The following TOMM70 variants were observed in gnomAD, a reference collection of about 807,000 sequenced individuals.
TOMM70 encodes the protein mitochondrial import receptor subunit TOM70.
A neutral mutation model predicts 73.6 loss-of-function variants in TOMM70; 13 were observed. The observed-to-expected ratio is 0.18, with a 90% CI of 0.11 to 0.28. The LOEUF (loss-of-function observed/expected upper bound fraction) is 0.28, where lower values mean the gene tolerates loss of function less well. Among genes scored for constraint, TOMM70 ranks in the 10% least tolerant of loss-of-function variants. The probability of loss-of-function intolerance (pLI) is 1.00; values close to 1 mark genes in which losing one functional copy is unlikely to be tolerated. For missense variants in TOMM70, 609 were observed against 747.5 expected (o/e 0.81, Z 2.16); for synonymous variants, 257 against 271.2 (o/e 0.95, Z 0.51).
rs1464671748 is a variant in TOMM70 at position 100,386,271 on chromosome 3, A to T, written c.572T>A (p.Phe191Tyr). 9.9e-6 allele frequency: 16 copies of T among 1,613,424 alleles called. No individual in the cohort carries two copies. The highest frequency in any genetic ancestry group is 1.4e-5 in the Non-Finnish European group (16 of 1,179,608). The change falls in exon 3 of 12, where the codon TTT becomes TAT. Residue 191 changes from phenylalanine (F) to tyrosine (Y), a missense_variant. Physicochemically the swap from Phe to Tyr is conservative, Grantham distance 22 (BLOSUM62 3). This residue lies in a region of TOMM70 where 432 missense variants were observed against 584.1 expected (regional missense o/e 0.74). Coordinates refer to ENST00000284320, the MANE Select transcript of TOMM70 (RefSeq NM_014820.5). ...CTTCTCATGGGCTTTTGCACGTCTA[A>T]AGAGAGCTTTCACATATTTGGGATT... ...ELNPKYVKAL[F>Y]RRAKAHEKLD...
intron 11 of TOMM70, 86 bp from the exon 12 acceptor site, chr3:100,365,803 T>G: frequency 6.8e-7 from 1 of 1,470,348 alleles, no homozygotes; most frequent in South Asian, 1.2e-5. Flanking sequence ...ACATGAAGTC[T>G]GACCACTAAG....
At position 100,373,579 on chromosome 3, in the gene TOMM70, G is replaced by A. The variant is rs1459388987; in HGVS notation, c.1294C>T (p.Pro432Ser). 6.2e-7 allele frequency: 1 copy of A among 1,612,702 alleles called. No homozygotes were observed. The highest frequency in any genetic ancestry group is 8.5e-7 in the Non-Finnish European group (1 of 1,179,326). Residue 432 changes from proline to serine, a missense_variant, in exon 8 of 12, where the codon CCT (proline) becomes TCT (serine). Physicochemically the swap from Pro to Ser is moderately conservative, Grantham distance 74 (BLOSUM62 -1). Transcript: ENST00000284320. ...TGTGCTTGTGCCAGAGCAGACTCAG[G>A]TCTTAACCTAATACATTCATCAAAA... is the stretch of plus-strand genomic sequence containing the variant. ...ADFDECIRLR[P>S]ESALAQAQKC...
chr3:100,381,650 T>C lies in TOMM70; in HGVS notation c.849A>G (p.Lys283=). 6.2e-7 allele frequency: 1 copy of C among 1,613,414 alleles called. No individual in the cohort carries two copies. Among genetic ancestry groups the C allele is most frequent in the Non-Finnish European group, 8.5e-7 (1 of 1,179,602 alleles). The change falls in exon 5 of 12, where the codon AAA becomes AAG. Residue 283 remains lysine (K), a synonymous_variant. Coordinates refer to ENST00000284320, the MANE Select transcript of TOMM70 (RefSeq NM_014820.5). Reference sequence around the variant, plus strand: ...CTTCTAAAGCCTCCCCTTCCTTGTCTTTATCTTCATCAGATTTCTCTCCTT... The same window carrying C: ...CTTCTAAAGCCTCCCCTTCCTTGTCCTTATCTTCATCAGATTTCTCTCCTT... The part of the protein sequence containing the change: ...MLKGEKSDED[K]DKEGEALEVK...
At position 100,398,993 on chromosome 3, in the gene TOMM70, T is replaced by A. The variant is rs540735556; in HGVS notation, c.324+1633A>T. ...AGCTAATTTGACATCCTAGTAAAAATATCTTCGCCCGGGCGCGGTGGCTCA... is the reference window on the plus strand; with the variant it reads ...AGCTAATTTGACATCCTAGTAAAAAAATCTTCGCCCGGGCGCGGTGGCTCA... On this transcript the variant is annotated intron_variant, in intron 1 of 11. Transcript: ENST00000284320. Among the ~76,000 whole-genome samples, 10 of 152,176 alleles carry A rather than the reference T, an allele frequency of 6.6e-5. No individual in the cohort carries two copies. In the East Asian group the frequency reaches 1.9e-3, roughly 29 times the overall value.
intron 10 of TOMM70, among the ~76,000 whole-genome samples, chr3:100,368,722 G>A (rs1365256760): frequency 6.6e-6 from 1 of 152,100 alleles, no homozygotes; most frequent in African/African-American, 2.4e-5. Context: ...AATCGGGCAT[G>A]TGCCACCACA....
rs1706441740 is a variant in TOMM70, at chr3:100,365,694, T to C, written c.1697A>G (p.Asp566Gly). ...CAGGTTAATAGCTTTGTTGAACATG[T>C]CAATGGCTTTCTCCATGTTTCCTCT... ...VQRGNMEKAI[D>G]MFNKAINLAK... The change falls in exon 12 of 12, where the codon GAC (aspartate) becomes GGC (glycine). Residue 566 changes from aspartate to glycine, a missense_variant. Transcript: ENST00000284320. 1 of 1,614,188 alleles carries C rather than the reference T, an allele frequency of 6.2e-7. No homozygotes were observed. The highest frequency in any genetic ancestry group is 8.5e-7 in the Non-Finnish European group (1 of 1,180,016).
At chr3:100,368,398 T>G (rs1435466422) in intron 10 of TOMM70, among the ~76,000 whole-genome samples, 1 of 152,304 alleles carries the variant, frequency 6.6e-6, no homozygotes, top group East Asian at 1.9e-4. Flanking sequence ...ATTACCAATC[T>G]TGCATCCCTT....
In TOMM70 at chr3:100,365,559, CT is replaced by C. The variant is rs759934946; in HGVS notation, c.*4del. ...AAAAGAGGGTCAGTCTGCTTTCCCC[CT>C]GTTTTATAATGTTGGTGGTTTTAAT... On this transcript the variant is annotated 3_prime_UTR_variant, in exon 12 of 12. Coordinates refer to ENST00000284320, the MANE Select transcript of TOMM70 (RefSeq NM_014820.5). 1.2e-5 allele frequency: 19 copies of C among 1,613,606 alleles called. No homozygotes were observed. Among genetic ancestry groups the C allele is most frequent in the Non-Finnish European group, 1.6e-5 (19 of 1,179,780 alleles).
At position 100,381,649 on chromosome 3, in the gene TOMM70, C is replaced by A. The variant is rs752031518; in HGVS notation, c.850G>T (p.Asp284Tyr). The A allele has an allele frequency of 1.2e-6, 2 of 1,613,260 alleles. No individual in the cohort carries two copies. The highest frequency in any genetic ancestry group is 8.5e-7 in the Non-Finnish European group (1 of 1,179,548). ...ACTTCTAAAGCCTCCCCTTCCTTGT[C>A]TTTATCTTCATCAGATTTCTCTCCT... ...LKGEKSDEDK[D>Y]KEGEALEVKE... is the part of the protein sequence containing the mutation. The change falls in exon 5 of 12, where the codon GAC becomes TAC. Residue 284 changes from aspartate to tyrosine, a missense_variant. By Grantham distance (160) the Asp-to-Tyr change is radical (BLOSUM62 -3). This residue lies in a region of TOMM70 where 432 missense variants were observed against 584.1 expected (regional missense o/e 0.74). Transcript: ENST00000284320.
chr3:100,368,417 C>T (rs1706470757), intron 10 of TOMM70, among the ~76,000 whole-genome samples: 1 of 152,084 alleles, frequency 6.6e-6, no homozygotes, highest in Non-Finnish European at 1.5e-5. Flanking sequence ...TTATTTTTCA[C>T]TTTATATAAA....
chr3:100,379,006 CAAATAAAT>C (rs145132790), intron 5 of TOMM70, among the ~76,000 whole-genome samples: 3,029 of 148,846 alleles, frequency 0.02, 104 homozygotes, highest in African/African-American at 0.07. Context: ...GACTCCGTCT[CAAATAAAT>C]AAATAAATAA....
At chr3:100,382,594 C>T (rs1477722190) in intron 4 of TOMM70, among the ~76,000 whole-genome samples, 2 of 152,086 alleles carry the variant, frequency 1.3e-5, no homozygotes, top group African/African-American at 2.4e-5. Flanking sequence ...TTACTAAAGA[C>T]ACTGAGAATA....
At chr3:100,380,880 T>G (rs1706626018) in intron 5 of TOMM70, among the ~76,000 whole-genome samples, 1 of 152,104 alleles carries the variant, frequency 6.6e-6, no homozygotes, top group Admixed American at 6.6e-5. Flanking sequence ...CTTCAAACCC[T>G]CCAATATGCT....
At chr3:100,368,957 T>TCCTCA in intron 10 of TOMM70, 81 bp downstream of exon 10, 1 of 987,780 alleles carries the variant, frequency 1.0e-6, no homozygotes, top group South Asian at 1.4e-5. Flanking sequence ...ACAGTCCCCT[T>TCCTCA]CCTCAGTGGC....
At chr3:100,375,858 C>A (rs971184269) in intron 6 of TOMM70, among the ~76,000 whole-genome samples, 2 of 152,018 alleles carry the variant, frequency 1.3e-5, no homozygotes, top group African/African-American at 2.4e-5. Context: ...TTTGTGTTAA[C>A]GAACGTATTA....
In TOMM70 at chr3:100,365,519, G is replaced by C; in HGVS notation, c.*45C>G. On this transcript the variant is annotated 3_prime_UTR_variant, in exon 12 of 12. Transcript: ENST00000284320. ...AGTGTCTTTAGGGTTCAGTTGAAGAGGGGGTAAACTTTTAAAAAGAGGGTC... is the reference window on the plus strand; with the variant it reads ...AGTGTCTTTAGGGTTCAGTTGAAGACGGGGTAAACTTTTAAAAAGAGGGTC... 1 of 1,612,468 alleles carries C rather than the reference G, an allele frequency of 6.2e-7. No homozygotes were observed. The highest frequency in any genetic ancestry group is 2.2e-5 in the East Asian group (1 of 44,872).
At chr3:100,386,367 A>G in intron 2 of TOMM70, 23 bp from the exon 3 acceptor site, 1 of 1,586,752 alleles carries the variant, frequency 6.3e-7, no homozygotes, top group Non-Finnish European at 8.6e-7. Flanking sequence ...GTATTTAAAA[A>G]AAGTCACACT....
intron 11 of TOMM70, 110 bp downstream of exon 11, chr3:100,367,934 C>G: frequency 1.7e-6 from 2 of 1,183,928 alleles, no homozygotes; most frequent in Non-Finnish European, 2.3e-6. Context: ...GTGAATAATA[C>G]AGGTGAAAAG....
chr3:100,370,562 C>CA (rs1264235916), intron 9 of TOMM70, among the ~76,000 whole-genome samples: 1 of 152,152 alleles, frequency 6.6e-6, no homozygotes, highest in Non-Finnish European at 1.5e-5. Context: ...CTGTGGATAT[C>CA]AGACTATGCT....
Sources: allele counts gnomAD v4.1 joint callset (sites outside exome capture counted in the v4.1 genomes callset), GRCh38; gene constraint gnomAD v4.1.1; regional missense constraint gnomAD v4.1.1; transcripts MANE v1.5; gene names NCBI Gene and HGNC (gene_info 2026-07-23, HGNC 2026-07-21).